Variants in TRAK1 observed in about 807,000 individuals in gnomAD.
TRAK1 encodes the protein trafficking kinesin-binding protein 1.
A neutral mutation model predicts 92.1 loss-of-function variants in TRAK1; 33 were observed. The ratio of observed to expected loss-of-function variants is 0.36; its 90% confidence interval spans 0.27 to 0.48. The LOEUF is 0.48. Among genes scored for constraint, TRAK1 ranks in the 20% least tolerant of loss-of-function variants. The pLI is 0.99. For missense variants in TRAK1, 1,123 were observed against 1,257.9 expected, an observed-to-expected ratio of 0.89 and a Z score of 1.62; for synonymous variants, 521 against 517.3, an observed-to-expected ratio of 1.01 and a Z score of -0.10.
chr3:42,193,029 T>G, intron 7 of TRAK1, 46 bp from the exon 8 acceptor site: 1 of 1,608,046 alleles, frequency 6.2e-7, no homozygotes, highest in Non-Finnish European at 8.5e-7. Flanking sequence ...GGTCTGCATG[T>G]GTGGTTTTCT....
Position 42,035,577 on chromosome 3 carries a change from G to C in TRAK1, c.-519+21460G>C, listed in dbSNP as rs1164201237. Among the ~76,000 whole-genome samples the C allele has an allele frequency of 6.6e-5, 10 of 152,316 alleles. No individual in the cohort carries two copies. In the East Asian group the frequency reaches 1.9e-3, roughly 29 times the overall value. The stretch of plus-strand genomic sequence containing the variant: ...CAGGCAGGAACCAGTACGTTTTCCT[G>C]ACACTTCTTTTTGCTCTAGCCCCTT... On this transcript the variant is annotated intron_variant, in intron 1 of 16. Transcript: ENST00000487159.
chr3:42,122,288 G>T (rs1359079244), intron 1 of TRAK1, among the ~76,000 whole-genome samples: 5 of 151,940 alleles, frequency 3.3e-5, no homozygotes, highest in African/African-American at 9.7e-5. Flanking sequence ...CAACTTTTGG[G>T]CAACTGGAAG....
chr3:42,199,934 G>A (rs947899722), intron 11 of TRAK1, among the ~76,000 whole-genome samples: 6 of 152,160 alleles, frequency 3.9e-5, no homozygotes, highest in African/African-American at 9.7e-5. Context: ...TAAAATCAAC[G>A]TAGTGTGAGA....
At chr3:42,211,460 C>G in intron 14 of TRAK1, 1 of 985,274 alleles carries the variant, frequency 1.0e-6, no homozygotes, top group Non-Finnish European at 1.2e-6. Context: ...AAAGAGAAAC[C>G]AGCTGCGGTA....
chr3:42,165,706 G>A (rs76033234), intron 2 of TRAK1, among the ~76,000 whole-genome samples: 1,924 of 152,266 alleles, frequency 0.013, 44 homozygotes, highest in African/African-American at 0.044. Context: ...CGATGGGTCA[G>A]TGTCGAAGGA....
chr3:42,031,645 T>C (rs550109822), intron 1 of TRAK1, among the ~76,000 whole-genome samples: 50 of 152,142 alleles, frequency 3.3e-4, no homozygotes, highest in African/African-American at 1.2e-3. Context: ...AAAATAGTTT[T>C]CTGAACATTC....
intron 1 of TRAK1, among the ~76,000 whole-genome samples, chr3:42,032,926 A>G (rs1280514560): frequency 6.6e-6 from 1 of 152,208 alleles, no homozygotes; most frequent in Non-Finnish European, 1.5e-5. Context: ...TACTCTTGAA[A>G]CAAAACAAAC....
Position 42,223,816 on chromosome 3 carries a change from A to G in TRAK1, c.*79A>G, listed in dbSNP as rs3774390. 448 of 1,468,040 alleles carry G rather than the reference A, an allele frequency of 3.1e-4. 2 individuals are homozygous for G. In the East Asian group the frequency reaches 9.6e-3, roughly 31 times the overall value. 90.9% of individuals were successfully genotyped at this position (1,468,040 alleles called of 1,614,324 possible). A position where few individuals can be genotyped will look rare whatever the true frequency, so the allele number is the denominator to read the frequency against. On this transcript the variant is annotated 3_prime_UTR_variant, in exon 16 of 16. Coordinates refer to ENST00000327628, the MANE Select transcript of TRAK1 (RefSeq NM_001042646.3). This position sits in a 1 kb window ranked among gnomAD's most constrained non-coding sequence, Gnocchi z 6.1. The stretch of plus-strand genomic sequence containing the variant: ...TCCCACCTCCCTCTCTTCCCCCCAC[A>G]GTGCACTCCCTCCCTCTGCCCTTCT...
chr3:42,168,074 C>G (rs576320026), intron 2 of TRAK1, among the ~76,000 whole-genome samples: 1 of 152,206 alleles, frequency 6.6e-6, no homozygotes, highest in Non-Finnish European at 1.5e-5. Context: ...GAAAAGAGTT[C>G]AAAGTCAAAT....
intron 2 of TRAK1, among the ~76,000 whole-genome samples, chr3:42,133,418 A>G (rs1165608748): frequency 6.6e-6 from 1 of 151,782 alleles, no homozygotes; most frequent in African/African-American, 2.4e-5. Flanking sequence ...CTGGGTCTTG[A>G]TATGTTGCCT....
chr3:42,196,292 G>A (rs1025954699), intron 10 of TRAK1, among the ~76,000 whole-genome samples: 3 of 152,130 alleles, frequency 2.0e-5, no homozygotes, highest in Admixed American at 6.5e-5. Context: ...CATTCTAATC[G>A]CTGAATAAAA....
At position 42,194,798 on chromosome 3, in the gene TRAK1, C is replaced by T. The variant is rs376331284; in HGVS notation, c.976-6C>T. 140 of 1,613,144 alleles carry T rather than the reference C, an allele frequency of 8.7e-5. No individual in the cohort carries two copies. The highest frequency in any genetic ancestry group is 1.2e-4 in the Non-Finnish European group (138 of 1,179,654). ...TCCTGACCCTCTGTGTCTTTCCTGCCTGCAGCTGCGTGAGCTGGAGGACAA... is the reference window on the plus strand; with the variant it reads ...TCCTGACCCTCTGTGTCTTTCCTGCTTGCAGCTGCGTGAGCTGGAGGACAA... On this transcript the variant is annotated splice_region_variant and splice_polypyrimidine_tract_variant and intron_variant, in intron 9 of 15. Coordinates refer to ENST00000327628, the MANE Select transcript of TRAK1 (RefSeq NM_001042646.3).
intron 1 of TRAK1, among the ~76,000 whole-genome samples, chr3:42,036,443 CTCTG>C (rs1414254045): frequency 1.3e-5 from 2 of 152,200 alleles, no homozygotes; most frequent in East Asian, 1.9e-4. Flanking sequence ...TTAGAAGTTG[CTCTG>C]TCTCTCTGCC....
At chr3:42,212,556 A>G in intron 14 of TRAK1, 1 of 976,942 alleles carries the variant, frequency 1.0e-6, no homozygotes, top group Non-Finnish European at 1.2e-6. Context: ...CCATGTCTTA[A>G]AAAGGATGAA....
chr3:42,167,159 A>G (rs1284020425), intron 2 of TRAK1, among the ~76,000 whole-genome samples: 1 of 152,214 alleles, frequency 6.6e-6, no homozygotes, highest in East Asian at 1.9e-4. Context: ...TGGCCGGGAT[A>G]GACTCACCAG....
chr3:42,181,582 T>C (rs185189838), intron 3 of TRAK1, among the ~76,000 whole-genome samples: 123 of 152,242 alleles, frequency 8.1e-4, no homozygotes, highest in African/African-American at 2.7e-3. Flanking sequence ...ATGCAAAATA[T>C]CAGCGCTTGT....
At chr3:42,023,846 C>T (rs1367829785) in intron 1 of TRAK1, among the ~76,000 whole-genome samples, 7 of 150,378 alleles carry the variant, frequency 4.7e-5, no homozygotes, top group East Asian at 3.9e-4. Flanking sequence ...CTCCGTCTCC[C>T]GGGTTCAAGC....
At chr3:42,117,084 G>A (rs951371714) in intron 1 of TRAK1, among the ~76,000 whole-genome samples, 29 of 152,122 alleles carry the variant, frequency 1.9e-4, no homozygotes, top group African/African-American at 9.7e-5. Context: ...GACTGGGGGC[G>A]TCACCGGGAA....
At chr3:42,191,150 TG>T (rs1705667646) in intron 6 of TRAK1, among the ~76,000 whole-genome samples, 2 of 152,306 alleles carry the variant, frequency 1.3e-5, no homozygotes, top group East Asian at 3.9e-4. Context: ...CATTCCTGTG[TG>T]GTTATCCTTA....
Sources: gnomAD v4.1 joint callset for allele counts (sites outside exome capture counted in the v4.1 genomes callset) on GRCh38, gnomAD v4.1.1 for gene constraint, Gnocchi (gnomAD v3.1) non-coding constraint, MANE v1.5 for transcripts, NCBI Gene and HGNC (gene_info 2026-07-23, HGNC 2026-07-21) for gene names.